PACRG: variants seen among roughly 807,000 people sequenced by gnomAD.
PACRG encodes parkin coregulated gene protein.
In PACRG, 29 loss-of-function variants were observed where a neutral mutation model predicts 29.7. The ratio of observed to expected loss-of-function variants is 0.98; its 90% confidence interval spans 0.73 to 1.33. The LOEUF is 1.33. PACRG is among the 40% of genes most tolerant of loss of function. The pLI, the probability that PACRG is intolerant of heterozygous loss-of-function variation, is 0.00. For missense variants in PACRG, 279 were observed against 316.2 expected (o/e 0.88, Z 0.89); for synonymous variants, 116 against 118.7 (o/e 0.98, Z 0.15).
intron 1 of PACRG, among the ~76,000 whole-genome samples, chr6:162,810,720 T>C (rs756718349): frequency 6.6e-6 from 1 of 152,062 alleles, no homozygotes; most frequent in Non-Finnish European, 1.5e-5. Context: ...AACTTGAAGA[T>C]AGAGCAGTAG....
intron 4 of PACRG, among the ~76,000 whole-genome samples, chr6:163,130,113 G>A (rs1307619466): frequency 1.3e-5 from 2 of 152,190 alleles, no homozygotes; most frequent in Non-Finnish European, 2.9e-5. Flanking sequence ...GATAAGGAAT[G>A]AGGGAACAAT....
intron 2 of PACRG, among the ~76,000 whole-genome samples, chr6:162,938,916 G>A (rs997077749): frequency 1.3e-5 from 2 of 152,096 alleles, no homozygotes; most frequent in African/African-American, 4.8e-5. Flanking sequence ...TTTGTCAGAT[G>A]TATAGATTGT....
intron 2 of PACRG, among the ~76,000 whole-genome samples, chr6:162,838,732 T>A (rs1028327523): frequency 1.1e-4 from 12 of 112,872 alleles, no homozygotes; most frequent in Middle Eastern, 4.8e-3. Flanking sequence ...CCCAATGCTA[T>A]CCCTCCCCCC....
intron 2 of PACRG, among the ~76,000 whole-genome samples, chr6:162,961,049 C>T (rs1395028223): frequency 6.6e-6 from 1 of 152,262 alleles, no homozygotes; most frequent in East Asian, 1.9e-4. Context: ...GGATTGCATA[C>T]TTACCTTGCT....
intron 2 of PACRG, among the ~76,000 whole-genome samples, chr6:162,906,016 T>C (rs1795907828): frequency 6.6e-6 from 1 of 152,144 alleles, no homozygotes; most frequent in Non-Finnish European, 1.5e-5. Flanking sequence ...GAAGTTAGAA[T>C]TTGTTAAGAT....
At chr6:162,986,891 T>A (rs976947882) in intron 2 of PACRG, among the ~76,000 whole-genome samples, 1 of 152,108 alleles carries the variant, frequency 6.6e-6, no homozygotes, top group Non-Finnish European at 1.5e-5. Context: ...CTTTATGATA[T>A]CTGTTTCCCT....
At chr6:162,727,744 G>A (rs1046279256), upstream of PACRG, 1 of 1,473,450 alleles carries the variant, frequency 6.8e-7, no homozygotes, top group South Asian at 1.2e-5. Context: ...CCTCCCACCA[G>A]CGGCTCTCCT....
chr6:163,036,398 C>T lies in PACRG; in HGVS notation c.292-25752C>T, dbSNP rs369489263. On this transcript the variant is annotated intron_variant, in intron 2 of 4. Transcript: ENST00000366888. Reference sequence around the variant, plus strand: ...AGGCTGCATATTGTGGATCATAACACATAACCCTGGAATGAGGCCAGATCT... The same window carrying T: ...AGGCTGCATATTGTGGATCATAACATATAACCCTGGAATGAGGCCAGATCT... 1.4e-4 allele frequency among the ~76,000 whole-genome samples: 21 copies of T among 152,296 alleles called. 1 individual carries two copies. The highest frequency in any genetic ancestry group is 4.8e-4 in the African/African-American group (20 of 41,562).
intron 3 of PACRG, among the ~76,000 whole-genome samples, chr6:163,071,197 T>C (rs1028371323): frequency 2.0e-5 from 3 of 152,124 alleles, no homozygotes; most frequent in African/African-American, 7.2e-5. Flanking sequence ...CAAATGAATC[T>C]AGTGGATATT....
intron 1 of PACRG, among the ~76,000 whole-genome samples, chr6:162,800,486 A>G (rs191685639): frequency 6.6e-6 from 1 of 152,296 alleles, no homozygotes; most frequent in Admixed American, 6.5e-5. Flanking sequence ...TGAATGACAT[A>G]CTCACAATTT....
At chr6:162,764,166 T>G (rs1782598269) in intron 1 of PACRG, among the ~76,000 whole-genome samples, 1 of 151,960 alleles carries the variant, frequency 6.6e-6, no homozygotes. Context: ...TCCCAGCTAC[T>G]CCGGAGGCTG....
At chr6:163,194,353 C>T (rs1279350595) in intron 4 of PACRG, among the ~76,000 whole-genome samples, 1 of 152,024 alleles carries the variant, frequency 6.6e-6, no homozygotes, top group Non-Finnish European at 1.5e-5. Flanking sequence ...GTTCTCTCCC[C>T]CTCTCTCCCT....
intron 2 of PACRG, among the ~76,000 whole-genome samples, chr6:162,931,049 G>A (rs1257126219): frequency 1.3e-5 from 2 of 151,472 alleles, no homozygotes; most frequent in East Asian, 1.9e-4. Flanking sequence ...TTTTTGTTGT[G>A]TCCTTGTCTG....
At chr6:163,181,359 G>A (rs1044985777) in intron 4 of PACRG, among the ~76,000 whole-genome samples, 2 of 152,136 alleles carry the variant, frequency 1.3e-5, no homozygotes, top group Non-Finnish European at 2.9e-5. Context: ...ACAGACGGCC[G>A]CTTGGGGACA....
intron 2 of PACRG, among the ~76,000 whole-genome samples, chr6:162,837,024 A>T (rs1007581552): frequency 3.2e-4 from 48 of 151,438 alleles, no homozygotes; most frequent in African/African-American, 1.2e-3. Flanking sequence ...AAATTTAAGT[A>T]TTTTTTTTTA....
At chr6:163,086,210 CT>C (rs1813543404) in intron 3 of PACRG, among the ~76,000 whole-genome samples, 1 of 152,210 alleles carries the variant, frequency 6.6e-6, no homozygotes, top group South Asian at 2.1e-4. Context: ...TCACTAACCC[CT>C]GACATTCTAA....
At chr6:162,941,891 T>C (rs562597649) in intron 2 of PACRG, among the ~76,000 whole-genome samples, 1 of 152,312 alleles carries the variant, frequency 6.6e-6, no homozygotes, top group East Asian at 1.9e-4. Context: ...AGCCAGTTGC[T>C]TTCATTACTA....
chr6:162,943,648 C>G (rs1377665104), intron 2 of PACRG, among the ~76,000 whole-genome samples: 1 of 152,166 alleles, frequency 6.6e-6, no homozygotes, highest in Non-Finnish European at 1.5e-5. Context: ...GACAGACTCA[C>G]TTAGCCTGGC....
intron 2 of PACRG, among the ~76,000 whole-genome samples, chr6:162,899,044 AG>A (rs890720957): frequency 6.6e-6 from 1 of 152,208 alleles, no homozygotes; most frequent in African/African-American, 2.4e-5. Context: ...TTTAATTCCG[AG>A]GGTGGTTATA....
Sources: allele counts gnomAD v4.1 joint callset (sites outside exome capture counted in the v4.1 genomes callset), GRCh38; gene constraint gnomAD v4.1.1; transcripts MANE v1.5; gene names NCBI Gene and HGNC (gene_info 2026-07-23, HGNC 2026-07-21).